MAP3K15: variants seen among roughly 807,000 people sequenced by gnomAD.
MAP3K15 encodes the protein MAPK/ERK kinase kinase 15.
A neutral mutation model predicts 99.5 loss-of-function variants in MAP3K15; 124 were observed. The ratio of observed to expected loss-of-function variants is 1.25; its 90% CI spans 1.08 to 1.45. MAP3K15 has a LOEUF of 1.45. MAP3K15 is among the 40% of genes most tolerant of loss of function. The pLI, the probability that MAP3K15 is intolerant of heterozygous loss-of-function variation, is 0.00. For synonymous variants in MAP3K15, 494 were observed against 439.6 expected, an observed-to-expected ratio of 1.12 and a Z score of -1.55; for missense variants, 1,242 against 1,079.7, an observed-to-expected ratio of 1.15 and a Z score of -2.11.
chrX:19,471,944 C>T (rs1434900822), intron 3 of MAP3K15, among the ~76,000 whole-genome samples: 6 of 111,619 alleles, frequency 5.4e-5, no homozygotes, highest in Admixed American at 3.8e-4. Flanking sequence ...CTAAAGGGGC[C>T]GGGCGCGGTG....
chrX:19,362,407 C>CT (rs1240449863), intron 26 of MAP3K15, among the ~76,000 whole-genome samples: 6 of 108,795 alleles, frequency 5.5e-5, no homozygotes, highest in African/African-American at 1.7e-4. Context: ...TGGTTTTTTT[C>CT]TATTTTTTGT....
At chrX:19,440,483 G>A (rs1211735315) in intron 6 of MAP3K15, among the ~76,000 whole-genome samples, 2 of 112,054 alleles carry the variant, frequency 1.8e-5, no homozygotes, top group Non-Finnish European at 3.8e-5. Context: ...GTACAGATCC[G>A]AATAGTTGTT....
chrX:19,408,247 T>C (rs1209147973), intron 12 of MAP3K15, among the ~76,000 whole-genome samples: 1 of 111,810 alleles, frequency 8.9e-6, no homozygotes, highest in Non-Finnish European at 1.9e-5. Flanking sequence ...AGGCCCTTTG[T>C]AAATCCCCAC....
intron 25 of MAP3K15, among the ~76,000 whole-genome samples, chrX:19,366,241 C>G (rs1234428221): frequency 3.6e-5 from 4 of 110,866 alleles, no homozygotes; most frequent in Non-Finnish European, 7.5e-5. Context: ...ATCCTGGTCT[C>G]TCTAGTAGTC....
At chrX:19,375,842 C>T (rs1396826652) in intron 19 of MAP3K15, among the ~76,000 whole-genome samples, 1 of 112,395 alleles carries the variant, frequency 8.9e-6, no homozygotes, top group Non-Finnish European at 1.9e-5. Flanking sequence ...CTCCTCCTGG[C>T]CAGGCTGCCC....
chrX:19,370,337 G>A (rs888951377), intron 24 of MAP3K15, among the ~76,000 whole-genome samples: 2 of 111,888 alleles, frequency 1.8e-5, no homozygotes, highest in Admixed American at 1.9e-4. Flanking sequence ...GGATACCAGA[G>A]GACTGGAGGA....
intron 4 of MAP3K15, among the ~76,000 whole-genome samples, chrX:19,462,926 A>G (rs1356298573): frequency 8.9e-6 from 1 of 112,458 alleles, no homozygotes; most frequent in African/African-American, 3.2e-5. Flanking sequence ...ACTAAATGAA[A>G]TCACAAGAGT....
chrX:19,367,265 G>A (rs1037581797), intron 25 of MAP3K15, among the ~76,000 whole-genome samples: 5 of 111,093 alleles, frequency 4.5e-5, no homozygotes, highest in African/African-American at 1.6e-4. Context: ...TGCCGTGGGA[G>A]CTAAATGATG....
In MAP3K15 at chrX:19,377,281, C is replaced by T. The variant is rs181310950; in HGVS notation, c.2590-2621G>A. ...TCAAACCCTTCATACAGGCGGGGCACGGTGGCTCTCGCCTGTTATCCCAGC... is the reference window on the plus strand; with the variant it reads ...TCAAACCCTTCATACAGGCGGGGCATGGTGGCTCTCGCCTGTTATCCCAGC... On this transcript the variant is annotated intron_variant, in intron 19 of 28. Transcript: ENST00000338883. 5.9e-3 allele frequency among the ~76,000 whole-genome samples: 660 copies of T among 112,488 alleles called. 5 individuals are homozygous for T. Among genetic ancestry groups the T allele is most frequent in the African/African-American group, 0.02 (619 of 31,002 alleles).
At chrX:19,449,043 C>A (rs771030260) in intron 6 of MAP3K15, among the ~76,000 whole-genome samples, 2 of 109,452 alleles carry the variant, frequency 1.8e-5, no homozygotes, top group East Asian at 5.6e-4. Context: ...TGACCAACAG[C>A]CAGTTAAGAG....
In MAP3K15 at chrX:19,515,059, C is replaced by G; in HGVS notation, c.203G>C (p.Ser68Thr). The G allele has an allele frequency of 1.0e-6, 1 of 993,877 alleles. No individual in the cohort carries two copies. The highest frequency in any genetic ancestry group is 1.3e-6 in the Non-Finnish European group (1 of 760,012). 81.9% of individuals were successfully genotyped at this position (993,877 alleles called of 1,213,427 possible). A position where few individuals can be genotyped will look rare whatever the true frequency, so the allele number is the denominator to read the frequency against. Reference sequence around the variant, plus strand: ...GGCCGCGCCGCCCTGGGAGCTCTCACTGCGCACGTATACTGCCCGCAGAGC... The same window carrying G: ...GGCCGCGCCGCCCTGGGAGCTCTCAGTGCGCACGTATACTGCCCGCAGAGC... ...RRALRAVYVR[S>T]ESSQGGAAGG... is the part of the protein sequence containing the mutation. Residue 68 changes from serine (S) to threonine (T), a missense_variant, in exon 1 of 29, where the codon AGT becomes ACT. Transcript: ENST00000338883.
At chrX:19,466,503 G>C (rs780235265) in intron 3 of MAP3K15, among the ~76,000 whole-genome samples, 5 of 111,901 alleles carry the variant, frequency 4.5e-5, no homozygotes, top group Admixed American at 9.5e-5. Context: ...GCCGCCTTGT[G>C]AAGAAGGTAT....
chrX:19,367,435 T>C (rs957850562), intron 25 of MAP3K15, among the ~76,000 whole-genome samples: 1 of 78,061 alleles, frequency 1.3e-5, no homozygotes, highest in African/African-American at 1.8e-4. Context: ...AGTTTACCTG[T>C]GTAAAAAACC....
At chrX:19,367,370 CTA>C (rs1331081547) in intron 25 of MAP3K15, among the ~76,000 whole-genome samples, 3 of 102,198 alleles carry the variant, frequency 2.9e-5, no homozygotes, top group Admixed American at 1.0e-4. Context: ...CTAATGGATA[CTA>C]GGCTTAATGC....
At chrX:19,496,066 ATTTTT>A (rs374380661) in intron 1 of MAP3K15, among the ~76,000 whole-genome samples, 4 of 91,551 alleles carry the variant, frequency 4.4e-5, no homozygotes, top group African/African-American at 1.6e-4. Context: ...CATCACCCCA[ATTTTT>A]TTTTTTTTTT....
At chrX:19,460,368 T>C (rs779484971) in intron 4 of MAP3K15, among the ~76,000 whole-genome samples, 1 of 111,915 alleles carries the variant, frequency 8.9e-6, no homozygotes, top group African/African-American at 3.2e-5. Flanking sequence ...TCATTCAACC[T>C]TGAAGATACT....
At chrX:19,382,299 A>C (rs978282956) in intron 18 of MAP3K15, among the ~76,000 whole-genome samples, 17 of 109,124 alleles carry the variant, frequency 1.6e-4, no homozygotes, top group Non-Finnish European at 2.7e-4. Context: ...CTATAAAGAA[A>C]GTTTGGAGAA....
intron 18 of MAP3K15, among the ~76,000 whole-genome samples, chrX:19,381,193 A>G (rs2063455774): frequency 8.9e-6 from 1 of 112,034 alleles, no homozygotes; most frequent in Admixed American, 9.5e-5. Flanking sequence ...AAATGCCAAG[A>G]CGAGATGAGA....
chrX:19,398,138 C>A lies in MAP3K15; in HGVS notation c.2066+88G>T, dbSNP rs888878603. ...TTTTGTGGTAACACAATGCTTTTGC[C>A]CTTAACTCCTCCACACCATGAGCGG... On this transcript the variant is annotated intron_variant, in intron 15 of 28. Transcript: ENST00000338883. The A allele has an allele frequency of 1.3e-5, 14 of 1,082,187 alleles. No homozygotes were observed. The African/African-American group carries it at 2.4e-4, about 19-fold the overall frequency. 89.2% of individuals were successfully genotyped at this position (1,082,187 alleles called of 1,213,427 possible).
Sources: gnomAD v4.1 joint callset for allele counts (sites outside exome capture counted in the v4.1 genomes callset) on GRCh38, gnomAD v4.1.1 for gene constraint, MANE v1.5 for transcripts, NCBI Gene and HGNC (gene_info 2026-07-23, HGNC 2026-07-21) for gene names.